Variants in THSD4 observed in about 807,000 individuals in gnomAD.
THSD4 encodes thrombospondin type-1 domain-containing protein 4.
Under a neutral mutation model 119.0 loss-of-function variants are expected in THSD4, and 69 were observed. The observed-to-expected ratio is 0.58, with a 90% CI of 0.48 to 0.71. The LOEUF is 0.71. Ranked by LOEUF, THSD4 falls within the 30% of genes least tolerant of loss-of-function variation. The pLI is 0.00. For synonymous variants in THSD4, 524 were observed against 540.4 expected, an observed-to-expected ratio of 0.97 and a Z score of 0.42; for missense variants, 1,393 against 1,391.1, an observed-to-expected ratio of 1.00 and a Z score of -0.02.
At chr15:71,511,137 G>A (rs2140756917) in intron 7 of THSD4, among the ~76,000 whole-genome samples, 1 of 151,264 alleles carries the variant, frequency 6.6e-6, no homozygotes, top group South Asian at 2.1e-4. Context: ...CAAATGGAAA[G>A]GGCACCAAAT....
chr15:71,484,408 A>G (rs989642752), intron 7 of THSD4, among the ~76,000 whole-genome samples: 15 of 152,356 alleles, frequency 9.8e-5, no homozygotes, highest in Non-Finnish European at 1.8e-4. Flanking sequence ...TGCTATTATT[A>G]TTCCAAACTT....
At chr15:71,334,269 T>C (rs1482447429) in intron 6 of THSD4, among the ~76,000 whole-genome samples, 1 of 152,180 alleles carries the variant, frequency 6.6e-6, no homozygotes, top group Non-Finnish European at 1.5e-5. Flanking sequence ...AACATAAGGG[T>C]AATCTCTTCT....
intron 6 of THSD4, among the ~76,000 whole-genome samples, chr15:71,384,338 A>G (rs1182142908): frequency 6.6e-6 from 1 of 152,090 alleles, no homozygotes; most frequent in Non-Finnish European, 1.5e-5. Flanking sequence ...AGAGTGCGCC[A>G]CTGCACTCCA....
chr15:71,409,590 G>C (rs2046655459), intron 6 of THSD4, among the ~76,000 whole-genome samples: 1 of 152,172 alleles, frequency 6.6e-6, no homozygotes, highest in Non-Finnish European at 1.5e-5. Context: ...GGGCAGCCAA[G>C]GAAAGAAACC....
intron 3 of THSD4, among the ~76,000 whole-genome samples, chr15:71,192,887 G>A (rs2043685238): frequency 6.6e-6 from 1 of 152,170 alleles, no homozygotes; most frequent in Non-Finnish European, 1.5e-5. Context: ...CTGCACAGCT[G>A]TAATCTCTTG....
In THSD4 at chr15:71,199,088, C is replaced by T. The variant is rs559686765; in HGVS notation, c.100-15947C>T. Among the ~76,000 whole-genome samples the T allele has an allele frequency of 7.4e-4, 113 of 152,294 alleles. No individual in the cohort carries two copies. In the South Asian group the frequency reaches 0.016, roughly 22 times the overall value. ...GTGATGCACCAAGAAGCAAACTGGC[C>T]TCCCTGGACTCTGCATGGATGCCAC... is the stretch of plus-strand genomic sequence containing the variant. On this transcript the variant is annotated intron_variant, in intron 3 of 17. Transcript: ENST00000261862.
chr15:71,648,419 G>C (rs1300171795), intron 7 of THSD4, among the ~76,000 whole-genome samples: 6 of 152,146 alleles, frequency 3.9e-5, no homozygotes, highest in Non-Finnish European at 7.3e-5. Flanking sequence ...AGTCTCCCTT[G>C]CTCTGTTTCT....
At chr15:71,609,735 C>A (rs1253130071) in intron 7 of THSD4, among the ~76,000 whole-genome samples, 1 of 151,792 alleles carries the variant, frequency 6.6e-6, no homozygotes, top group African/African-American at 2.4e-5. Context: ...GCCTATAGTC[C>A]CAGCTACTCG....
At position 71,782,253 on chromosome 15, in the gene THSD4, G is replaced by GA. The variant is rs200298240; in HGVS notation, c.*4879_*4880insA. On this transcript the variant is annotated 3_prime_UTR_variant, in exon 18 of 18. Transcript: ENST00000261862. ...TTCATTTCAGCAGATAATGATGGAG[G>GA]GGGGGGGTGTCCATCGTGCTGAGGG... 3.3e-5 allele frequency: 5 copies of GA among 151,576 alleles called. No homozygotes were observed. Among genetic ancestry groups the GA allele is most frequent in the Middle Eastern group, 3.4e-3 (1 of 292 alleles). 9.4% of individuals were successfully genotyped at this position (151,576 alleles called of 1,614,324 possible).
chr15:71,381,931 T>TA (rs1489806641), intron 6 of THSD4, among the ~76,000 whole-genome samples: 2 of 152,158 alleles, frequency 1.3e-5, no homozygotes, highest in African/African-American at 4.8e-5. Flanking sequence ...AGGTGAGAGA[T>TA]ACATCCTTTG....
intron 3 of THSD4, among the ~76,000 whole-genome samples, chr15:71,208,796 G>A (rs548970479): frequency 1.3e-5 from 2 of 152,162 alleles, no homozygotes; most frequent in East Asian, 3.9e-4. Flanking sequence ...ACAGATATGA[G>A]CCACCGTGCC....
intron 5 of THSD4, among the ~76,000 whole-genome samples, chr15:71,244,307 ATGT>A (rs1023278683): frequency 1.1e-4 from 16 of 152,188 alleles, no homozygotes; most frequent in Non-Finnish European, 2.2e-4. Context: ...GAATGAGAGG[ATGT>A]TAAGAGGTTA....
In THSD4 at chr15:71,426,677, C is replaced by T. The variant is rs547448911; in HGVS notation, c.1152+14854C>T. On this transcript the variant is annotated intron_variant, in intron 7 of 17. Coordinates refer to ENST00000261862, the MANE Select transcript of THSD4 (RefSeq NM_024817.3). ...GATAGCTTCTAATTTGCCCAAATTC[C>T]AACTTAATGTGACTCTTTGTGGACT... Among the ~76,000 whole-genome samples, 112 of 152,156 alleles carry T rather than the reference C, an allele frequency of 7.4e-4. 3 individuals are homozygous for T. The South Asian group carries it at 0.022, about 30-fold the overall frequency.
At chr15:71,225,831 G>A (rs541803235) in intron 4 of THSD4, among the ~76,000 whole-genome samples, 1 of 152,096 alleles carries the variant, frequency 6.6e-6, no homozygotes, top group Non-Finnish European at 1.5e-5. Context: ...GTGAGCTACC[G>A]TGCTAGGCCT....
intron 4 of THSD4, among the ~76,000 whole-genome samples, chr15:71,221,727 C>T (rs1454791918): frequency 1.3e-5 from 2 of 152,178 alleles, no homozygotes; most frequent in African/African-American, 2.4e-5. Context: ...GTGAATAACA[C>T]TGCTATGAAC....
At chr15:71,336,559 A>G (rs749257237) in intron 6 of THSD4, among the ~76,000 whole-genome samples, 109 of 152,318 alleles carry the variant, frequency 7.2e-4, no homozygotes, top group Non-Finnish European at 1.3e-3. Flanking sequence ...ACGTGGAACC[A>G]TATCTGAGTT....
intron 1 of THSD4, among the ~76,000 whole-genome samples, chr15:71,139,893 A>C (rs1236692050): frequency 2.0e-5 from 3 of 152,242 alleles, no homozygotes; most frequent in Non-Finnish European, 1.5e-5. Flanking sequence ...GAGTTGCAGC[A>C]GGAGAGGAGA....
chr15:71,740,649 C>G (rs984032639), intron 11 of THSD4, among the ~76,000 whole-genome samples: 12 of 152,158 alleles, frequency 7.9e-5, no homozygotes, highest in African/African-American at 2.7e-4. Context: ...CCAGTTTTTG[C>G]CCCCACAACC....
At chr15:71,695,787 A>T (rs1006788494) in intron 8 of THSD4, among the ~76,000 whole-genome samples, 89 of 152,152 alleles carry the variant, frequency 5.8e-4, no homozygotes, top group Non-Finnish European at 5.7e-4. Context: ...ACTCTTCCTC[A>T]TTGTTAGCTC....
Sources: gnomAD v4.1 joint callset for allele counts (sites outside exome capture counted in the v4.1 genomes callset) on GRCh38, gnomAD v4.1.1 for gene constraint, MANE v1.5 for transcripts, NCBI Gene and HGNC (gene_info 2026-07-23, HGNC 2026-07-21) for gene names.